PROCR: variants seen among roughly 807,000 people sequenced by gnomAD.
PROCR encodes the protein protein C receptor.
Under a neutral mutation model 24.2 loss-of-function variants are expected in PROCR, and 22 were observed. The observed-to-expected ratio is 0.91, with a 90% CI of 0.65 to 1.30. PROCR has a LOEUF of 1.30. Ranked by LOEUF, PROCR falls within the 50% of genes most tolerant of loss-of-function variation. PROCR has a pLI of 0.00. For synonymous variants in PROCR, 137 were observed against 139.2 expected, an observed-to-expected ratio of 0.98 and a Z score of 0.11; for missense variants, 288 against 307.7, an observed-to-expected ratio of 0.94 and a Z score of 0.48.
intron 1 of PROCR, among the ~76,000 whole-genome samples, chr20:35,188,283 G>A (rs2086144509): frequency 6.6e-6 from 1 of 152,168 alleles, no homozygotes; most frequent in East Asian, 1.9e-4. Flanking sequence ...AGTCTAGAAG[G>A]AGAAGCATAC....
intron 1 of PROCR, among the ~76,000 whole-genome samples, chr20:35,205,545 A>G (rs2060335085): frequency 6.7e-6 from 1 of 149,942 alleles, no homozygotes; most frequent in Non-Finnish European, 1.5e-5. Flanking sequence ...TGAGGTCCAG[A>G]GTTCAAGACC....
chr20:35,184,071 A>T (rs1467888597), intron 1 of PROCR, among the ~76,000 whole-genome samples: 1 of 152,210 alleles, frequency 6.6e-6, no homozygotes, highest in Non-Finnish European at 1.5e-5. Context: ...TTCATATGGA[A>T]TCAAAAAAGA....
At chr20:35,179,158 G>A (rs1048897139), downstream of PROCR, among the ~76,000 whole-genome samples, 62 of 148,070 alleles carry the variant, frequency 4.2e-4, no homozygotes, top group African/African-American at 1.4e-3. Context: ...GCATGAATCC[G>A]GGAGGCAGAG....
chr20:35,192,965 A>T (rs4911476), intron 1 of PROCR, among the ~76,000 whole-genome samples: 1 of 151,944 alleles, frequency 6.6e-6, no homozygotes, highest in Non-Finnish European at 1.5e-5. Context: ...TTAAACTACA[A>T]GTCTTAATAT....
chr20:35,188,646 G>A (rs1426117313), intron 1 of PROCR, among the ~76,000 whole-genome samples: 1 of 152,184 alleles, frequency 6.6e-6, no homozygotes, highest in Non-Finnish European at 1.5e-5. Flanking sequence ...TATGTTTGGG[G>A]AATGCTAAAT....
intron 1 of PROCR, among the ~76,000 whole-genome samples, chr20:35,172,621 G>A (rs2146139717): frequency 6.6e-6 from 1 of 152,168 alleles, no homozygotes; most frequent in Middle Eastern, 3.4e-3. Context: ...GAAGACCCTG[G>A]GAAAACTGAT....
At chr20:35,182,817 T>C (rs999013625) in intron 1 of PROCR, among the ~76,000 whole-genome samples, 5 of 151,674 alleles carry the variant, frequency 3.3e-5, no homozygotes, top group Non-Finnish European at 7.4e-5. Context: ...CTACTAAATA[T>C]ACAAAAATTA....
At chr20:35,204,574 T>C (rs6087686) in intron 1 of PROCR, among the ~76,000 whole-genome samples, 152,070 of 152,082 alleles carry the variant, frequency 1, 76,029 homozygotes, top group Middle Eastern at 1. Context: ...TGGGTTTTCA[T>C]CATGTTGCCC....
At chr20:35,204,354 CTCCCTCCCTCCT>C (rs1174272522) in intron 1 of PROCR, among the ~76,000 whole-genome samples, 1 of 148,284 alleles carries the variant, frequency 6.7e-6, no homozygotes, top group Admixed American at 6.7e-5. Context: ...TCCTTCCTCC[CTCCCTCCCTCCT>C]TCCCTCCCTC....
intron 1 of PROCR, among the ~76,000 whole-genome samples, chr20:35,173,321 C>A (rs1345533085): frequency 4.0e-5 from 6 of 151,490 alleles, no homozygotes; most frequent in Non-Finnish European, 5.9e-5. Context: ...GGTCTGGGAT[C>A]ACTGAAACAG....
downstream of PROCR, among the ~76,000 whole-genome samples, chr20:35,179,105 C>T (rs144500616): frequency 2.9e-3 from 442 of 150,858 alleles, 3 homozygotes; most frequent in African/African-American, 0.01. Flanking sequence ...TGGTTGCGGG[C>T]GCCTGTAGTC....
intron 1 of PROCR, among the ~76,000 whole-genome samples, chr20:35,193,134 G>A (rs1054720730): frequency 1.3e-5 from 2 of 151,834 alleles, no homozygotes; most frequent in African/African-American, 4.8e-5. Flanking sequence ...ATGATTAGAA[G>A]GGAGACATGA....
At chr20:35,178,514 T>G (rs1485971049), downstream of PROCR, among the ~76,000 whole-genome samples, 8 of 47,298 alleles carry the variant, frequency 1.7e-4, 2 homozygotes, top group South Asian at 1.0e-3. Flanking sequence ...TCAGTTTTTT[T>G]TTTTTTTTTT....
intron 1 of PROCR, among the ~76,000 whole-genome samples, chr20:35,193,437 G>A (rs2086190837): frequency 6.6e-6 from 1 of 152,226 alleles, no homozygotes; most frequent in Non-Finnish European, 1.5e-5. Flanking sequence ...GCCTCCCAGA[G>A]TGCTGGGATT....
At chr20:35,210,660 C>T (rs1382315374) in intron 1 of PROCR, among the ~76,000 whole-genome samples, 2 of 151,728 alleles carry the variant, frequency 1.3e-5, no homozygotes, top group Non-Finnish European at 2.9e-5. Flanking sequence ...TTGCCCCGTG[C>T]AATGTATCAT....
Position 35,176,993 on chromosome 20 carries a change from G to T in PROCR, c.*180G>T. 6.9e-7 allele frequency: 1 copy of T among 1,456,174 alleles called. No individual in the cohort carries two copies. The allele number at this position is 1,456,174 out of a possible 1,614,324, so 90.2% of individuals were successfully genotyped here. On this transcript the variant is annotated 3_prime_UTR_variant, in exon 4 of 4. Transcript: ENST00000216968. ...GGAGGGGAGATGGAGAGGAGAGGTG[G>T]ACAAAGTACTTGGTTTGCTAAGAAC...
intron 1 of PROCR, among the ~76,000 whole-genome samples, chr20:35,211,734 CT>C (rs1239751895): frequency 1.3e-4 from 20 of 152,282 alleles, no homozygotes; most frequent in African/African-American, 4.6e-4. Flanking sequence ...CTGTGATCGG[CT>C]GGGCGTGGTG....
chr20:35,173,577 G>A (rs2085973631), intron 1 of PROCR, among the ~76,000 whole-genome samples: 1 of 151,768 alleles, frequency 6.6e-6, no homozygotes, highest in African/African-American at 2.4e-5. Flanking sequence ...CTACAGGCAT[G>A]TACCACCACG....
rs765949568 is a variant in PROCR at position 35,176,828 on chromosome 20, C to T, written c.*15C>T. ...GGCGATGTTAATTACTCTCCAGCCC[C>T]CTCAGAAGGGGCTGGATTGATGGAG... is the stretch of plus-strand genomic sequence containing the variant. On this transcript the variant is annotated 3_prime_UTR_variant, in exon 4 of 4. Coordinates refer to ENST00000216968, the MANE Select transcript of PROCR (RefSeq NM_006404.5). 23 of 1,612,646 alleles carry T rather than the reference C, an allele frequency of 1.4e-5. No homozygotes were observed. In the Admixed American group the frequency reaches 2.2e-4, roughly 15 times the overall value.
Sources: gnomAD v4.1 joint callset for allele counts (sites outside exome capture counted in the v4.1 genomes callset) on GRCh38, gnomAD v4.1.1 for gene constraint, MANE v1.5 for transcripts, NCBI Gene and HGNC (gene_info 2026-07-23, HGNC 2026-07-21) for gene names.